SHROOM3: variants seen among roughly 807,000 people sequenced by gnomAD.
SHROOM3 encodes shroom family member 3, also known as protein Shroom3.
Under a neutral mutation model 138.6 loss-of-function variants are expected in SHROOM3, and 47 were observed. That is an observed-to-expected ratio of 0.34 (90% CI 0.27 to 0.43). SHROOM3 has a LOEUF of 0.43. Ranked by LOEUF, SHROOM3 falls within the 20% of genes least tolerant of loss-of-function variation. The pLI is 1.00. For synonymous variants in SHROOM3, 1,062 were observed against 1,063.3 expected (o/e 1.00, Z 0.02); for missense variants, 2,491 against 2,596.5 (o/e 0.96, Z 0.88).
chr4:76,595,651 C>G (rs1734365745), intron 2 of SHROOM3, among the ~76,000 whole-genome samples: 1 of 152,168 alleles, frequency 6.6e-6, no homozygotes, highest in Non-Finnish European at 1.5e-5. Flanking sequence ...CTTGCCTACA[C>G]TAGTAACTGG....
At chr4:76,684,161 G>C (rs1466255730) in intron 2 of SHROOM3, among the ~76,000 whole-genome samples, 3 of 152,120 alleles carry the variant, frequency 2.0e-5, no homozygotes, top group African/African-American at 7.2e-5. Flanking sequence ...TGAACATTTA[G>C]GTTGCTTCCA....
At chr4:76,715,840 G>A (rs868330990) in intron 3 of SHROOM3, among the ~76,000 whole-genome samples, 2 of 152,116 alleles carry the variant, frequency 1.3e-5, no homozygotes, top group African/African-American at 2.4e-5. Flanking sequence ...AGGAAGATGC[G>A]GTGAGATGTT....
rs112434775 is a variant in SHROOM3, at chr4:76,682,642, GA to G, written c.324-27503del. ...GGAGAGAGAAAGGAAAGGTAAGAAG[GA>G]AAAAAAAAAAGGAGAATGAGAAAAT... On this transcript the variant is annotated intron_variant, in intron 2 of 10. Transcript: ENST00000296043. Among the ~76,000 whole-genome samples the G allele has an allele frequency of 5.2e-3, 734 of 141,534 alleles. 8 individuals carry two copies. Among genetic ancestry groups the G allele is most frequent in the Middle Eastern group, 0.021 (6 of 286 alleles). 92.9% of individuals were successfully genotyped at this position (141,534 alleles called of 152,430 possible). A position where few individuals can be genotyped will look rare whatever the true frequency, so the allele number is the denominator to read the frequency against.
At chr4:76,587,080 AAGCAAC>A (rs928376843) in intron 2 of SHROOM3, 4 of 152,210 alleles carry the variant, frequency 2.6e-5, no homozygotes, top group Non-Finnish European at 4.4e-5. Context: ...ACCTACATTT[AAGCAAC>A]AGTTGAGATG....
At chr4:76,683,991 T>C (rs1025058002) in intron 2 of SHROOM3, among the ~76,000 whole-genome samples, 6 of 152,232 alleles carry the variant, frequency 3.9e-5, no homozygotes, top group Non-Finnish European at 7.3e-5. Flanking sequence ...TTATAAAACA[T>C]GTAACAAATA....
chr4:76,698,523 C>G (rs1377408376), intron 2 of SHROOM3, among the ~76,000 whole-genome samples: 1 of 152,280 alleles, frequency 6.6e-6, no homozygotes, highest in Non-Finnish European at 1.5e-5. Context: ...AGGACCCTGG[C>G]TCCTACAGAC....
chr4:76,443,171 A>G (rs1223104509), intron 1 of SHROOM3, among the ~76,000 whole-genome samples: 1 of 152,220 alleles, frequency 6.6e-6, no homozygotes, highest in African/African-American at 2.4e-5. Context: ...TTAAAGTCTT[A>G]CGCATTTTTT....
intron 9 of SHROOM3, among the ~76,000 whole-genome samples, chr4:76,765,002 G>C (rs886194654): frequency 2.6e-5 from 4 of 151,886 alleles, no homozygotes; most frequent in African/African-American, 9.7e-5. Flanking sequence ...TGTCCCACAA[G>C]CTCCATTCAT....
Position 76,501,846 on chromosome 4 carries a change from C to T in SHROOM3, c.169-53763C>T, listed in dbSNP as rs149457460. Among the ~76,000 whole-genome samples, 553 of 152,244 alleles carry T rather than the reference C, an allele frequency of 3.6e-3. 1 individual carries two copies. The highest frequency in any genetic ancestry group is 6.2e-3 in the Non-Finnish European group (420 of 68,022). ...CTGCACATGGGACCCTTTCAGACCT[C>T]GCCCTATGTATCTTTTCATCTGGCC... is the stretch of plus-strand genomic sequence containing the variant. On this transcript the variant is annotated intron_variant, in intron 1 of 10. Coordinates refer to ENST00000296043, the MANE Select transcript of SHROOM3 (RefSeq NM_020859.4).
intron 9 of SHROOM3, among the ~76,000 whole-genome samples, chr4:76,769,739 T>C (rs1722286449): frequency 6.6e-6 from 1 of 152,208 alleles, no homozygotes; most frequent in East Asian, 1.9e-4. Flanking sequence ...AATGTCTTAG[T>C]TTCCTCCCTT....
At chr4:76,458,048 C>T (rs574537791) in intron 1 of SHROOM3, among the ~76,000 whole-genome samples, 1 of 152,324 alleles carries the variant, frequency 6.6e-6, no homozygotes, top group African/African-American at 2.4e-5. Flanking sequence ...CTGCCTGGGC[C>T]TCCCCAGGTG....
intron 2 of SHROOM3, among the ~76,000 whole-genome samples, chr4:76,600,323 TA>T (rs1437622219): frequency 7.8e-6 from 1 of 128,274 alleles, no homozygotes; most frequent in Non-Finnish European, 1.7e-5. Flanking sequence ...AAGAGTAGGT[TA>T]TATACATGGC....
chr4:76,549,178 A>G (rs1733293038), intron 1 of SHROOM3, among the ~76,000 whole-genome samples: 1 of 152,182 alleles, frequency 6.6e-6, no homozygotes, highest in Non-Finnish European at 1.5e-5. Context: ...TTTTTAAGAT[A>G]AATTGTGTGG....
chr4:76,690,870 T>C (rs1229380739), intron 2 of SHROOM3, among the ~76,000 whole-genome samples: 1 of 152,160 alleles, frequency 6.6e-6, no homozygotes, highest in African/African-American at 2.4e-5. Context: ...TCTCCATTGC[T>C]AACAATCCTG....
chr4:76,770,340 A>C (rs1238974978), intron 9 of SHROOM3, among the ~76,000 whole-genome samples: 3 of 148,950 alleles, frequency 2.0e-5, no homozygotes, highest in Admixed American at 6.7e-5. Flanking sequence ...AAAAAAAAAA[A>C]AAAAAAAAAA....
intron 2 of SHROOM3, among the ~76,000 whole-genome samples, chr4:76,696,154 C>G (rs1345616169): frequency 1.3e-5 from 2 of 152,348 alleles, no homozygotes; most frequent in East Asian, 3.9e-4. Context: ...CTCTGACACT[C>G]TCGAGGCCTT....
intron 3 of SHROOM3, among the ~76,000 whole-genome samples, chr4:76,715,708 C>T (rs1425635703): frequency 6.6e-6 from 1 of 152,178 alleles, no homozygotes; most frequent in African/African-American, 2.4e-5. Context: ...AATAGAAGCT[C>T]AGAATCTGAC....
At chr4:76,514,289 T>C (rs112156696) in intron 1 of SHROOM3, among the ~76,000 whole-genome samples, 1 of 152,170 alleles carries the variant, frequency 6.6e-6, no homozygotes, top group East Asian at 1.9e-4. Flanking sequence ...TTAAATGTGG[T>C]ATATCAATAT....
Position 76,741,485 on chromosome 4 carries a change from C to T in SHROOM3, c.3312C>T (p.Cys1104=), listed in dbSNP as rs774254282. The change falls in exon 5 of 11, where the codon TGC becomes TGT. Residue 1104 remains cysteine, a synonymous_variant. Transcript: ENST00000296043. The surrounding 1 kb of genome is among the most constrained non-coding windows in gnomAD (Gnocchi z 6.2). ...AGCGGCCTACCTCCGCCGCCGGCTG[C>T]AGCCTCCAGGAGCCCGGGCCACTGC... ...TGKRPTSAAG[C]SLQEPGPLRE... is the part of the protein sequence containing the mutation. 9 of 1,558,804 alleles carry T rather than the reference C, an allele frequency of 5.8e-6. No homozygotes were observed. The Admixed American group carries it at 1.5e-4, about 26-fold the overall frequency.
Sources: allele counts gnomAD v4.1 joint callset (sites outside exome capture counted in the v4.1 genomes callset), GRCh38; gene constraint gnomAD v4.1.1; non-coding constraint Gnocchi (gnomAD v3.1); transcripts MANE v1.5; gene names NCBI Gene and HGNC (gene_info 2026-07-23, HGNC 2026-07-21).